CDK14: variants seen among roughly 807,000 people sequenced by gnomAD.
CDK14 encodes cyclin-dependent kinase 14.
CDK14 carries 34 observed loss-of-function variants against 60.7 expected under a neutral mutation model. The ratio of observed to expected loss-of-function variants is 0.56; its 90% CI spans 0.43 to 0.75. CDK14 has a LOEUF of 0.75. Among genes scored for constraint, CDK14 ranks in the 30% least tolerant of loss-of-function variants. CDK14 has a pLI of 0.00. For synonymous variants in CDK14, 197 were observed against 203.7 expected, an observed-to-expected ratio of 0.97 and a Z score of 0.28; for missense variants, 482 against 564.1, an observed-to-expected ratio of 0.85 and a Z score of 1.47.
intron 14 of CDK14, among the ~76,000 whole-genome samples, chr7:91,131,460 C>T (rs1800115440): frequency 6.6e-6 from 1 of 152,068 alleles, no homozygotes; most frequent in Non-Finnish European, 1.5e-5. Flanking sequence ...AGATCTGGGA[C>T]AGGTTCTCAG....
At chr7:91,101,170 G>A (rs1218223887) in intron 12 of CDK14, among the ~76,000 whole-genome samples, 3 of 152,184 alleles carry the variant, frequency 2.0e-5, no homozygotes, top group Non-Finnish European at 4.4e-5. Context: ...GTGTTCTTAA[G>A]GAAAACTTTA....
chr7:90,692,927 T>C (rs1478670565), intron 2 of CDK14, among the ~76,000 whole-genome samples: 2 of 151,626 alleles, frequency 1.3e-5, no homozygotes, highest in African/African-American at 2.4e-5. Flanking sequence ...GGCCATTTCT[T>C]CCATCAAGTA....
chr7:90,978,350 T>C (rs1200971843), intron 9 of CDK14, among the ~76,000 whole-genome samples: 1 of 152,156 alleles, frequency 6.6e-6, no homozygotes, highest in African/African-American at 2.4e-5. Context: ...AAAATTGGAT[T>C]CCTCTCCTTT....
intron 4 of CDK14, among the ~76,000 whole-genome samples, chr7:90,748,208 A>C (rs967362909): frequency 1.1e-4 from 17 of 152,250 alleles, no homozygotes; most frequent in African/African-American, 4.1e-4. Context: ...CTCTTAGTTA[A>C]ACAAAATGGC....
chr7:90,600,460 A>G (rs1221439898), intron 1 of CDK14, among the ~76,000 whole-genome samples: 1 of 152,170 alleles, frequency 6.6e-6, no homozygotes, highest in Non-Finnish European at 1.5e-5. Flanking sequence ...TGTCTCCTAG[A>G]GAAAGGAAGT....
intron 2 of CDK14, among the ~76,000 whole-genome samples, chr7:90,685,016 A>G (rs1801403619): frequency 6.7e-6 from 1 of 150,228 alleles, no homozygotes; most frequent in African/African-American, 2.5e-5. Context: ...TTAGGGAATC[A>G]TCCTATTATG....
At chr7:90,796,288 G>A (rs989333805) in intron 5 of CDK14, among the ~76,000 whole-genome samples, 3 of 152,246 alleles carry the variant, frequency 2.0e-5, no homozygotes, top group Middle Eastern at 3.4e-3. Context: ...GAAACTGGAA[G>A]CTGATAAGTC....
chr7:90,834,795 T>TG (rs1790036483), intron 5 of CDK14, among the ~76,000 whole-genome samples: 2 of 152,174 alleles, frequency 1.3e-5, no homozygotes, highest in Non-Finnish European at 2.9e-5. Flanking sequence ...ATAACAGGTT[T>TG]GGGGCAGATC....
chr7:90,898,088 C>A (rs559212487), intron 6 of CDK14, among the ~76,000 whole-genome samples: 3 of 152,248 alleles, frequency 2.0e-5, no homozygotes, highest in African/African-American at 7.2e-5. Flanking sequence ...GAAGTAACTT[C>A]TTCCAGAGAC....
intron 10 of CDK14, among the ~76,000 whole-genome samples, chr7:91,033,840 AAT>A (rs1796835443): frequency 6.6e-6 from 1 of 152,220 alleles, no homozygotes; most frequent in Admixed American, 6.5e-5. Flanking sequence ...GCTGTGTCAC[AAT>A]AACATCACTC....
At chr7:91,168,046 G>A (rs1801400151) in intron 14 of CDK14, among the ~76,000 whole-genome samples, 1 of 152,200 alleles carries the variant, frequency 6.6e-6, no homozygotes, top group East Asian at 1.9e-4. Flanking sequence ...GCTGGATCAC[G>A]AGGTCAGGAG....
intron 5 of CDK14, among the ~76,000 whole-genome samples, chr7:90,806,793 T>G (rs1788861014): frequency 6.6e-6 from 1 of 152,224 alleles, no homozygotes; most frequent in African/African-American, 2.4e-5. Context: ...TCCAATGGTC[T>G]TAGCAAACGG....
At chr7:90,900,262 T>A (rs960295540) in intron 7 of CDK14, among the ~76,000 whole-genome samples, 1 of 152,250 alleles carries the variant, frequency 6.6e-6, no homozygotes, top group East Asian at 1.9e-4. Flanking sequence ...CAAAACATTG[T>A]TAAATAAATA....
At chr7:90,622,637 A>G (rs530508266) in intron 2 of CDK14, among the ~76,000 whole-genome samples, 92 of 152,330 alleles carry the variant, frequency 6.0e-4, no homozygotes, top group African/African-American at 1.9e-3. Flanking sequence ...TCCCTTCTCT[A>G]AGTGGGTAGT....
chr7:90,931,047 AT>A (rs1454802661), intron 8 of CDK14, among the ~76,000 whole-genome samples: 1 of 152,136 alleles, frequency 6.6e-6, no homozygotes, highest in Admixed American at 6.6e-5. Flanking sequence ...ATGATCAGTG[AT>A]TTTTTAAATA....
At chr7:90,745,002 G>A (rs1803534863) in intron 3 of CDK14, among the ~76,000 whole-genome samples, 2 of 152,010 alleles carry the variant, frequency 1.3e-5, no homozygotes, top group African/African-American at 4.8e-5. Context: ...CTCTTTCATT[G>A]CATTTTTTTT....
intron 3 of CDK14, among the ~76,000 whole-genome samples, chr7:90,730,341 A>C (rs1044386201): frequency 1.3e-5 from 2 of 152,126 alleles, no homozygotes; most frequent in African/African-American, 2.4e-5. Context: ...TTTATAGCAG[A>C]ATGATTTACA....
At chr7:90,862,119 T>C (rs905513371) in intron 5 of CDK14, among the ~76,000 whole-genome samples, 3 of 151,928 alleles carry the variant, frequency 2.0e-5, no homozygotes, top group African/African-American at 7.3e-5. Context: ...AAAAATCAAA[T>C]CAGAAGTGAA....
intron 2 of CDK14, among the ~76,000 whole-genome samples, chr7:90,691,583 C>T (rs774661263): frequency 6.6e-6 from 1 of 152,094 alleles, no homozygotes; most frequent in Non-Finnish European, 1.5e-5. Context: ...GGCCTTTATT[C>T]TGAATGAGAT....
Sources: gnomAD v4.1 joint callset for allele counts (sites outside exome capture counted in the v4.1 genomes callset) on GRCh38, gnomAD v4.1.1 for gene constraint, MANE v1.5 for transcripts, NCBI Gene and HGNC (gene_info 2026-07-23, HGNC 2026-07-21) for gene names.